Variants in RBM33 observed in about 807,000 individuals in gnomAD.
The protein encoded by RBM33 is RNA binding motif protein 33, also known as RNA-binding protein 33.
In RBM33, 28 loss-of-function variants were observed where a neutral mutation model predicts 132.6. The ratio of observed to expected loss-of-function variants is 0.21; its 90% CI spans 0.16 to 0.29. The LOEUF (loss-of-function observed/expected upper bound fraction) is 0.29. RBM33 is among the 10% of genes least tolerant of loss of function. RBM33 has a pLI of 1.00. For synonymous variants in RBM33, 634 were observed against 593.0 expected, an observed-to-expected ratio of 1.07 and a Z score of -1.01; for missense variants, 1,291 against 1,518.5, an observed-to-expected ratio of 0.85 and a Z score of 2.49.
At chr7:155,749,103 C>A (rs1225136500) in intron 14 of RBM33, among the ~76,000 whole-genome samples, 1 of 151,906 alleles carries the variant, frequency 6.6e-6, no homozygotes, top group Non-Finnish European at 1.5e-5. Flanking sequence ...TCTTTGGGAC[C>A]CCGAACAATC....
chr7:155,676,615 A>G (rs1799190817), intron 3 of RBM33, among the ~76,000 whole-genome samples: 1 of 152,208 alleles, frequency 6.6e-6, no homozygotes, highest in East Asian at 1.9e-4. Context: ...AAAGGATTTC[A>G]CTAGCATCTG....
intron 1 of RBM33, among the ~76,000 whole-genome samples, chr7:155,647,921 C>T (rs183722380): frequency 1.3e-5 from 2 of 152,260 alleles, no homozygotes; most frequent in African/African-American, 2.4e-5. Flanking sequence ...AGTTCCAGTG[C>T]TTCCTTGTAA....
intron 9 of RBM33, among the ~76,000 whole-genome samples, chr7:155,719,476 A>T (rs1800560048): frequency 6.6e-6 from 1 of 152,200 alleles, no homozygotes; most frequent in African/African-American, 2.4e-5. Flanking sequence ...GTAGTTATGA[A>T]TTATGACATG....
rs141422309 is a variant in RBM33, at chr7:155,693,743, G to A, written c.568-7030G>A. On this transcript the variant is annotated intron_variant, in intron 5 of 17. Transcript: ENST00000401878. ...AATATTTGGGGCTTTTTTTTTTCCC[G>A]GCTGCATTGTAGAATATTAGTCAAT... Among the ~76,000 whole-genome samples, 1,089 of 151,222 alleles carry A rather than the reference G, an allele frequency of 7.2e-3. 19 individuals are homozygous for A. Among genetic ancestry groups the A allele is most frequent in the Non-Finnish European group, 6.0e-3 (408 of 67,826 alleles).
intron 7 of RBM33, 52 bp from the exon 8 acceptor site, chr7:155,711,145 CTTTTGT>C: frequency 6.9e-7 from 1 of 1,440,120 alleles, no homozygotes; most frequent in South Asian, 1.5e-5. Context: ...TTTCGGTGAA[CTTTTGT>C]TTTTTTTTTT....
At chr7:155,678,315 G>A (rs997022994) in intron 3 of RBM33, among the ~76,000 whole-genome samples, 13 of 152,002 alleles carry the variant, frequency 8.6e-5, no homozygotes, top group African/African-American at 3.1e-4. Flanking sequence ...TTATTTGTTC[G>A]TAAGCTTCCA....
intron 5 of RBM33, 92 bp from the exon 6 acceptor site, chr7:155,700,681 T>G: frequency 1.1e-6 from 1 of 945,892 alleles, no homozygotes; most frequent in Non-Finnish European, 1.5e-6. Context: ...ATCTGAAATA[T>G]AAACAATTAA....
chr7:155,707,760 G>A (rs1472341473), intron 7 of RBM33, among the ~76,000 whole-genome samples: 2 of 152,118 alleles, frequency 1.3e-5, no homozygotes, highest in African/African-American at 2.4e-5. Context: ...GGGTTCAAGC[G>A]ATTCTCCTGC....
At chr7:155,709,748 T>C (rs1800223727) in intron 7 of RBM33, among the ~76,000 whole-genome samples, 1 of 152,168 alleles carries the variant, frequency 6.6e-6, no homozygotes, top group Non-Finnish European at 1.5e-5. Flanking sequence ...ATCCCTACTC[T>C]CATGGGCAAA....
rs1424459408 is a variant in RBM33 at position 155,739,845 on chromosome 7, C to CACAGCA, written c.1868_1869insACAGCA (p.Gln624_His625dup). Reference sequence around the variant, plus strand: ...CCCCCGCCCCAGCACCAGCCCCCACCCCAGCACCCACCACAGCACCCGCCG... The same window carrying CACAGCA: ...CCCCCGCCCCAGCACCAGCCCCCACCACAGCACCAGCACCCACCACAGCACCCGCCG... On this transcript the variant is annotated inframe_insertion, in exon 12 of 18. Coordinates refer to ENST00000401878, the MANE Select transcript of RBM33 (RefSeq NM_053043.3). 27 of 1,484,474 alleles carry CACAGCA rather than the reference C, an allele frequency of 1.8e-5. No homozygotes were observed. Among genetic ancestry groups the CACAGCA allele is most frequent in the Non-Finnish European group, 2.4e-5 (26 of 1,097,048 alleles). The allele number at this position is 1,484,474 out of a possible 1,614,324, so 92.0% of individuals were successfully genotyped here. A position where few individuals can be genotyped will look rare whatever the true frequency, so the allele number is the denominator to read the frequency against.
At chr7:155,711,867 C>T (rs1488886485) in intron 8 of RBM33, among the ~76,000 whole-genome samples, 1 of 152,228 alleles carries the variant, frequency 6.6e-6, no homozygotes, top group Admixed American at 6.5e-5. Context: ...TTATAGATTA[C>T]TGTGCATCTG....
intron 1 of RBM33, among the ~76,000 whole-genome samples, chr7:155,661,147 T>TATATA (rs1491288954): frequency 4.3e-4 from 10 of 23,150 alleles, no homozygotes; most frequent in South Asian, 2.3e-3. Context: ...TATATATATA[T>TATATA]TTTTTTTTTT....
intron 1 of RBM33, among the ~76,000 whole-genome samples, chr7:155,660,605 T>G (rs1798614048): frequency 6.6e-6 from 1 of 152,246 alleles, no homozygotes. Flanking sequence ...TTGATGAGAA[T>G]CAACTATTGC....
At chr7:155,748,194 A>G (rs1801579248) in intron 14 of RBM33, among the ~76,000 whole-genome samples, 1 of 152,206 alleles carries the variant, frequency 6.6e-6, no homozygotes, top group South Asian at 2.1e-4. Flanking sequence ...CTTAATGAAA[A>G]CATTTTATTG....
intron 5 of RBM33, among the ~76,000 whole-genome samples, chr7:155,698,721 C>T (rs1298995273): frequency 6.6e-6 from 1 of 152,194 alleles, no homozygotes; most frequent in African/African-American, 2.4e-5. Flanking sequence ...CACTGGTTAC[C>T]AGTGTAATTT....
At chr7:155,653,869 A>G (rs936301254) in intron 1 of RBM33, among the ~76,000 whole-genome samples, 5 of 152,198 alleles carry the variant, frequency 3.3e-5, no homozygotes, top group Admixed American at 3.3e-4. Context: ...GAGAAGTGTG[A>G]GTAGCCTGGG....
chr7:155,746,515 T>C (rs1427678063), intron 14 of RBM33: 1 of 152,246 alleles, frequency 6.6e-6, no homozygotes, highest in Non-Finnish European at 1.5e-5. Context: ...GCACAGGAAG[T>C]GCAGTTTTCC....
rs544822935 is a variant in RBM33 at position 155,725,858 on chromosome 7, A to T, written c.1260+7415A>T. Among the ~76,000 whole-genome samples, 216 of 152,318 alleles carry T rather than the reference A, an allele frequency of 1.4e-3. 4 individuals are homozygous for T. Among genetic ancestry groups the T allele is most frequent in the African/African-American group, 5.0e-3 (206 of 41,572 alleles). On this transcript the variant is annotated intron_variant, in intron 9 of 17. Coordinates refer to ENST00000401878, the MANE Select transcript of RBM33 (RefSeq NM_053043.3). ...AAACCTAGTACTTGGCACTAGGTGTATCCTTCTTCAAAATGTTTAGAATGC... is the reference window on the plus strand; with the variant it reads ...AAACCTAGTACTTGGCACTAGGTGTTTCCTTCTTCAAAATGTTTAGAATGC...
Position 155,673,768 on chromosome 7 carries a change from G to GTGCACA in RBM33, c.171+853_171+854insTGCACA, listed in dbSNP as rs1554469954. Among the ~76,000 whole-genome samples the GTGCACA allele has an allele frequency of 1.5e-5, 2 of 132,962 alleles. 1 individual carries two copies. The highest frequency in any genetic ancestry group is 3.1e-5 in the Non-Finnish European group (2 of 64,926). The allele number at this position is 132,962 out of a possible 152,430, so 87.2% of individuals were successfully genotyped here. A position where few individuals can be genotyped will look rare whatever the true frequency, so the allele number is the denominator to read the frequency against. ...CACGTGTATATACGCGCGCATGCGC[G>GTGCACA]CACACACACACACACACACACACAC... On this transcript the variant is annotated intron_variant, in intron 3 of 17. Transcript: ENST00000401878.
Sources: gnomAD v4.1 joint callset for allele counts (sites outside exome capture counted in the v4.1 genomes callset) on GRCh38, gnomAD v4.1.1 for gene constraint, MANE v1.5 for transcripts, NCBI Gene and HGNC (gene_info 2026-07-23, HGNC 2026-07-21) for gene names.